The following TTC28 variants were observed in gnomAD, a reference collection of about 807,000 sequenced individuals.
The protein encoded by TTC28 is tetratricopeptide repeat domain 28, also known as tetratricopeptide repeat protein 28.
A neutral mutation model predicts 198.0 loss-of-function variants in TTC28; 61 were observed. The ratio of observed to expected loss-of-function variants is 0.31; its 90% CI spans 0.25 to 0.38. The LOEUF (loss-of-function observed/expected upper bound fraction) is 0.38, where lower values mean the gene tolerates loss of function less well. TTC28 is among the 10% of genes least tolerant of loss of function. The probability of loss-of-function intolerance (pLI) is 1.00; values close to 1 mark genes in which losing one functional copy is unlikely to be tolerated. For synonymous variants in TTC28, 1,171 were observed against 1,297.8 expected, an observed-to-expected ratio of 0.90 and a Z score of 2.10; for missense variants, 2,678 against 3,164.0, an observed-to-expected ratio of 0.85 and a Z score of 3.69.
At chr22:28,276,422 C>G (rs1031430280) in intron 5 of TTC28, among the ~76,000 whole-genome samples, 8 of 152,074 alleles carry the variant, frequency 5.3e-5, no homozygotes, top group African/African-American at 1.9e-4. Flanking sequence ...AAATAAGTAC[C>G]TGACTGATGT....
intron 5 of TTC28, among the ~76,000 whole-genome samples, chr22:28,225,393 AAG>A (rs1928246778): frequency 6.6e-6 from 1 of 150,526 alleles, no homozygotes; most frequent in African/African-American, 2.5e-5. Context: ...GAAGAAGAAG[AAG>A]AAGAAGAAAG....
chr22:28,035,156 C>CT (rs770766355), intron 12 of TTC28, among the ~76,000 whole-genome samples: 4 of 152,174 alleles, frequency 2.6e-5, no homozygotes, highest in Non-Finnish European at 5.9e-5. Context: ...TCTCAACATC[C>CT]TTTTACTAAC....
At position 28,534,396 on chromosome 22, in the gene TTC28, T is replaced by C. The variant is rs1311315313; in HGVS notation, c.381+95156A>G. Among the ~76,000 whole-genome samples the C allele has an allele frequency of 2.6e-5, 4 of 152,138 alleles. No individual in the cohort carries two copies. The East Asian group carries it at 5.8e-4, about 22-fold the overall frequency. On this transcript the variant is annotated intron_variant, in intron 2 of 22. Coordinates refer to ENST00000397906, the MANE Select transcript of TTC28 (RefSeq NM_001145418.2). ...TCACACCAGTTAGAATGGCGATCAT[T>C]AAAAAGTCAGGAAACAACAGGTGCT...
chr22:28,642,546 C>CA (rs2051386413), intron 1 of TTC28, among the ~76,000 whole-genome samples: 1 of 152,136 alleles, frequency 6.6e-6, no homozygotes, highest in Non-Finnish European at 1.5e-5. Context: ...AACCAGGCTG[C>CA]AACTATTCAA....
chr22:28,586,566 T>C (rs2050322512), intron 2 of TTC28, among the ~76,000 whole-genome samples: 2 of 152,114 alleles, frequency 1.3e-5, no homozygotes, highest in Non-Finnish European at 2.9e-5. Flanking sequence ...CCTGATGATC[T>C]TTCTTTTCTC....
At chr22:28,419,646 T>A (rs1431626699) in intron 2 of TTC28, among the ~76,000 whole-genome samples, 2 of 152,194 alleles carry the variant, frequency 1.3e-5, no homozygotes, top group Non-Finnish European at 2.9e-5. Context: ...AACAAACACC[T>A]TTGAGGCATG....
chr22:28,032,273 T>TATATATA (rs1569095166), intron 12 of TTC28, among the ~76,000 whole-genome samples: 17 of 116,986 alleles, frequency 1.5e-4, no homozygotes, highest in Non-Finnish European at 2.4e-4. Flanking sequence ...ATATAGTGTG[T>TATATATA]GTGTGTGTGT....
At chr22:28,468,773 A>C (rs984811360) in intron 2 of TTC28, among the ~76,000 whole-genome samples, 11 of 143,956 alleles carry the variant, frequency 7.6e-5, no homozygotes, top group African/African-American at 2.9e-4. Context: ...TCCTGACCTC[A>C]TGATCCACCC....
At chr22:28,124,161 ATC>A (rs1026347650) in intron 6 of TTC28, among the ~76,000 whole-genome samples, 20 of 132,392 alleles carry the variant, frequency 1.5e-4, no homozygotes, top group Admixed American at 1.4e-3. Flanking sequence ...TTTTTCACTT[ATC>A]TCTCTTTGTT....
intron 12 of TTC28, among the ~76,000 whole-genome samples, chr22:28,045,311 T>C (rs1461184082): frequency 4.6e-5 from 7 of 152,228 alleles, no homozygotes; most frequent in Admixed American, 4.6e-4. Flanking sequence ...CCAATGAGCA[T>C]TTCCTCTGAG....
intron 5 of TTC28, among the ~76,000 whole-genome samples, chr22:28,227,427 G>A (rs570840094): frequency 1.9e-4 from 29 of 151,892 alleles, no homozygotes; most frequent in Non-Finnish European, 3.7e-4. Flanking sequence ...GTGTATCGAA[G>A]GTCACTACCA....
intron 5 of TTC28, among the ~76,000 whole-genome samples, chr22:28,175,823 T>C (rs139263611): frequency 6.2e-4 from 94 of 151,566 alleles, no homozygotes; most frequent in Non-Finnish European, 1.2e-3. Context: ...GAAAAAAAAA[T>C]GTTCAACATC....
intron 2 of TTC28, among the ~76,000 whole-genome samples, chr22:28,543,560 A>G: frequency 6.6e-6 from 1 of 151,954 alleles, no homozygotes. Flanking sequence ...GGAGGGAGGG[A>G]GAAGAGAAAA....
At chr22:28,405,825 AC>A (rs1601351226) in intron 2 of TTC28, among the ~76,000 whole-genome samples, 1 of 152,074 alleles carries the variant, frequency 6.6e-6, no homozygotes, top group Non-Finnish European at 1.5e-5. Context: ...AGAAGTTACC[AC>A]CCCCTTTCTA....
chr22:28,291,551 T>G (rs894944644), intron 5 of TTC28, among the ~76,000 whole-genome samples: 1 of 152,222 alleles, frequency 6.6e-6, no homozygotes, highest in Non-Finnish European at 1.5e-5. Flanking sequence ...GGTTTTAATA[T>G]TAATGCCCAG....
At chr22:28,158,051 G>C (rs1943791255) in intron 6 of TTC28, among the ~76,000 whole-genome samples, 1 of 151,824 alleles carries the variant, frequency 6.6e-6, no homozygotes, top group Non-Finnish European at 1.5e-5. Context: ...CACTAGAACT[G>C]ATAAAGTCCA....
chr22:28,566,548 G>A (rs780408381), intron 2 of TTC28, among the ~76,000 whole-genome samples: 3 of 152,152 alleles, frequency 2.0e-5, no homozygotes, highest in Non-Finnish European at 4.4e-5. Flanking sequence ...AACTTTGAAT[G>A]CTCGAAGAGA....
At chr22:27,990,678 C>G (rs1487427668) in intron 20 of TTC28, 111 bp downstream of exon 20, 3 of 1,084,938 alleles carry the variant, frequency 2.8e-6, no homozygotes. Context: ...GCCCGTGTGG[C>G]TCCGTTTGAC....
chr22:28,192,435 T>C (rs1183828077), intron 5 of TTC28, among the ~76,000 whole-genome samples: 1 of 152,144 alleles, frequency 6.6e-6, no homozygotes, highest in East Asian at 1.9e-4. Flanking sequence ...CAAAGCTGGA[T>C]GGAGAATGAC....
Sources: allele counts gnomAD v4.1 joint callset (sites outside exome capture counted in the v4.1 genomes callset), GRCh38; gene constraint gnomAD v4.1.1; transcripts MANE v1.5; gene names NCBI Gene and HGNC (gene_info 2026-07-23, HGNC 2026-07-21).